ITGA9: variants seen among roughly 807,000 people sequenced by gnomAD.
ITGA9 encodes the protein integrin subunit alpha 9.
A neutral mutation model predicts 127.8 loss-of-function variants in ITGA9; 56 were observed. The ratio of observed to expected loss-of-function variants is 0.44; its 90% CI spans 0.35 to 0.55. ITGA9 has a LOEUF of 0.55. Among genes scored for constraint, ITGA9 ranks in the 20% least tolerant of loss-of-function variants. ITGA9 has a pLI of 0.00. For synonymous variants in ITGA9, 508 were observed against 514.5 expected (o/e 0.99, Z 0.17); for missense variants, 1,196 against 1,347.1 (o/e 0.89, Z 1.76).
chr3:37,519,222 T>C (rs1050441150), intron 10 of ITGA9, 38 bp from the exon 11 acceptor site: 1 of 1,480,260 alleles, frequency 6.8e-7, no homozygotes. Flanking sequence ...GTATTATTAA[T>C]GTGGCTTTTT....
chr3:37,509,659 A>G (rs1371086832), intron 8 of ITGA9, among the ~76,000 whole-genome samples: 1 of 152,222 alleles, frequency 6.6e-6, no homozygotes, highest in Non-Finnish European at 1.5e-5. Flanking sequence ...TTTTGAATAA[A>G]AAATGCATCA....
intron 3 of ITGA9, among the ~76,000 whole-genome samples, chr3:37,474,540 T>TG (rs1430294174): frequency 7.2e-6 from 1 of 139,210 alleles, no homozygotes; most frequent in Non-Finnish European, 1.7e-5. Context: ...CACAGCCCGA[T>TG]GGGTTTTCAC....
intron 18 of ITGA9, among the ~76,000 whole-genome samples, chr3:37,707,788 T>C (rs1338778388): frequency 6.6e-6 from 1 of 152,208 alleles, no homozygotes; most frequent in South Asian, 2.1e-4. Flanking sequence ...CTACTTCTCC[T>C]TGGGGCTTTA....
In ITGA9 at chr3:37,528,031, C is replaced by T. The variant is rs1016138642; in HGVS notation, c.1373+1960C>T. 3.3e-5 allele frequency among the ~76,000 whole-genome samples: 5 copies of T among 152,214 alleles called. No homozygotes were observed. The East Asian group carries it at 9.7e-4, about 29-fold the overall frequency. On this transcript the variant is annotated intron_variant, in intron 13 of 27. Transcript: ENST00000264741. The stretch of plus-strand genomic sequence containing the variant: ...CGAACTCCTGACCTCGTGATCTGCC[C>T]ACCTCAGCCTCCCAAAGTGCTGGGA...
intron 1 of ITGA9, among the ~76,000 whole-genome samples, chr3:37,466,541 CTG>C (rs1698373671): frequency 8.2e-6 from 1 of 122,378 alleles, no homozygotes; most frequent in Non-Finnish European, 1.7e-5. Flanking sequence ...GCATCTTTAA[CTG>C]GGGATGGGAT....
In ITGA9 at chr3:37,508,005, G is replaced by T. The variant is rs115162117; in HGVS notation, c.829-554G>T. On this transcript the variant is annotated intron_variant, in intron 7 of 27. Transcript: ENST00000264741. ...GGCTCTAAAAAGTTCCACAGTCAAA[G>T]AATTTACTTAATGTTTAACTCCACA... 5.6e-3 allele frequency among the ~76,000 whole-genome samples: 860 copies of T among 152,322 alleles called. 8 individuals carry two copies. Among genetic ancestry groups the T allele is most frequent in the African/African-American group, 0.02 (825 of 41,576 alleles).
chr3:37,757,505 T>A (rs890905625), intron 23 of ITGA9, among the ~76,000 whole-genome samples: 1 of 151,298 alleles, frequency 6.6e-6, no homozygotes, highest in Non-Finnish European at 1.5e-5. Flanking sequence ...CCACAAAAAA[T>A]AAAAAACAAA....
At chr3:37,666,685 T>C (rs1298403938) in intron 17 of ITGA9, among the ~76,000 whole-genome samples, 1 of 152,216 alleles carries the variant, frequency 6.6e-6, no homozygotes, top group African/African-American at 2.4e-5. Context: ...ATTCTCACTT[T>C]TGCTACATTC....
Position 37,597,643 on chromosome 3 carries a change from T to C in ITGA9, c.1690-31544T>C, listed in dbSNP as rs550096612. On this transcript the variant is annotated intron_variant, in intron 15 of 27. Coordinates refer to ENST00000264741, the MANE Select transcript of ITGA9 (RefSeq NM_002207.3). This position sits in a 1 kb window ranked among gnomAD's most constrained non-coding sequence, Gnocchi z 4.6. The stretch of plus-strand genomic sequence containing the variant: ...GTGAATGAATGTGTTTTAAATAAGG[T>C]ATATAGTGAGAAAAGTGAGCATTGG... Among the ~76,000 whole-genome samples the C allele has an allele frequency of 1.3e-5, 2 of 152,270 alleles. No individual in the cohort carries two copies. The highest frequency in any genetic ancestry group is 3.9e-4 in the East Asian group (2 of 5,190).
intron 23 of ITGA9, among the ~76,000 whole-genome samples, chr3:37,757,796 A>G (rs951603465): frequency 1.3e-5 from 2 of 151,918 alleles, no homozygotes; most frequent in African/African-American, 4.9e-5. Context: ...TCTTAAAAAA[A>G]ATCACCGACC....
rs768309854 is a variant in ITGA9 at position 37,803,936 on chromosome 3, C to G, written c.3003C>G (p.Leu1001=). The G allele has an allele frequency of 1.9e-6, 3 of 1,614,124 alleles. No individual in the cohort carries two copies. Among genetic ancestry groups the G allele is most frequent in the South Asian group, 2.2e-5 (2 of 91,080 alleles). ...ILIFLLLAVL[L]WKMGFFRRRY... ...TCTTCCTGCTGCTGGCCGTGCTGCT[C>G]TGGAAGGTGAGTCTGGTGATTGCAG... Residue 1001 remains leucine (L), a synonymous_variant, in exon 27 of 28, where the codon CTC becomes CTG. Coordinates refer to ENST00000264741, the MANE Select transcript of ITGA9 (RefSeq NM_002207.3).
intron 20 of ITGA9, among the ~76,000 whole-genome samples, 199 bp downstream of exon 20, chr3:37,737,182 A>C (rs1304823281): frequency 6.6e-6 from 1 of 152,180 alleles, no homozygotes; most frequent in Non-Finnish European, 1.5e-5. Context: ...CATAGCCGCC[A>C]CTGCAGATTG....
At chr3:37,640,886 G>T (rs1397267454) in intron 16 of ITGA9, among the ~76,000 whole-genome samples, 1 of 152,156 alleles carries the variant, frequency 6.6e-6, no homozygotes, top group Non-Finnish European at 1.5e-5. Flanking sequence ...TGAGGGAAAT[G>T]TGAGAAGCCC....
chr3:37,647,433 C>T (rs955709711), intron 16 of ITGA9, among the ~76,000 whole-genome samples: 1 of 149,068 alleles, frequency 6.7e-6, no homozygotes, highest in Non-Finnish European at 1.5e-5. Context: ...AGCAAATGAA[C>T]ATATCCATTG....
At chr3:37,671,919 T>C (rs757100847) in intron 17 of ITGA9, among the ~76,000 whole-genome samples, 7 of 152,254 alleles carry the variant, frequency 4.6e-5, no homozygotes, top group Non-Finnish European at 7.3e-5. Context: ...TATTGGTTTA[T>C]GCAGTATTTG....
chr3:37,802,079 G>A (rs1697241778), intron 26 of ITGA9, among the ~76,000 whole-genome samples: 1 of 152,154 alleles, frequency 6.6e-6, no homozygotes, highest in Non-Finnish European at 1.5e-5. Context: ...GTTTGGGGTT[G>A]GCTAAGAGCT....
At chr3:37,636,672 A>G (rs1367595990) in intron 16 of ITGA9, among the ~76,000 whole-genome samples, 1 of 152,160 alleles carries the variant, frequency 6.6e-6, no homozygotes, top group Non-Finnish European at 1.5e-5. Context: ...TTATGTTGCC[A>G]TTGCTTTTGG....
intron 3 of ITGA9, 23 bp downstream of exon 3, chr3:37,473,483 G>A: frequency 6.4e-7 from 1 of 1,557,834 alleles, no homozygotes; most frequent in Non-Finnish European, 8.9e-7. Flanking sequence ...TGGGGGTGCT[G>A]TGGGAAGGGG....
intron 5 of ITGA9, among the ~76,000 whole-genome samples, chr3:37,501,847 C>T (rs539080913): frequency 7.2e-4 from 109 of 152,272 alleles, no homozygotes; most frequent in Non-Finnish European, 1.2e-3. Context: ...CCTAGGCATG[C>T]AGTCTGAGGG....
Sources: gnomAD v4.1 joint callset for allele counts (sites outside exome capture counted in the v4.1 genomes callset) on GRCh38, gnomAD v4.1.1 for gene constraint, Gnocchi (gnomAD v3.1) non-coding constraint, MANE v1.5 for transcripts, NCBI Gene and HGNC (gene_info 2026-07-23, HGNC 2026-07-21) for gene names.